The following HYCC1 variants were observed in gnomAD, a reference collection of about 807,000 sequenced individuals.
HYCC1 encodes the protein hyccin PI4KA lipid kinase complex subunit 1.
chr7:22,921,611 A>G, the HYCC1 span, among the ~76,000 whole-genome samples: 3 of 152,202 alleles, frequency 2.0e-5, no homozygotes, highest in Non-Finnish European at 2.9e-5. Flanking sequence ...GTCCCTTGGT[A>G]TACATAGGGG....
At chr7:22,954,333 G>T in the HYCC1 span, among the ~76,000 whole-genome samples, 1 of 150,962 alleles carries the variant, frequency 6.6e-6, no homozygotes, top group Non-Finnish European at 1.5e-5. Flanking sequence ...TTATACAGCA[G>T]AAATTTATTA....
the HYCC1 span, among the ~76,000 whole-genome samples, chr7:22,958,367 G>A: frequency 6.6e-6 from 1 of 152,084 alleles, no homozygotes; most frequent in Non-Finnish European, 1.5e-5. Flanking sequence ...ACAAGGCTAA[G>A]CTGTATTCTG....
At chr7:23,013,358 C>A in the HYCC1 span, among the ~76,000 whole-genome samples, 2 of 152,228 alleles carry the variant, frequency 1.3e-5, no homozygotes, top group East Asian at 1.9e-4. Context: ...AAGACCGACT[C>A]GGGCCAACGC....
the HYCC1 span, among the ~76,000 whole-genome samples, chr7:22,967,612 G>A: frequency 0.019 from 2,822 of 152,276 alleles, 37 homozygotes; most frequent in Non-Finnish European, 0.027. Context: ...ACATCACTCT[G>A]GCTATATTGG....
chr7:22,936,481 T>G, the HYCC1 span: 4 of 152,276 alleles, frequency 2.6e-5, no homozygotes, highest in Non-Finnish European at 2.9e-5. Context: ...AAAGTCATCT[T>G]GACCATCTGA....
the HYCC1 span, chr7:22,976,425 A>C: frequency 1.4e-6 from 1 of 723,684 alleles, no homozygotes; most frequent in Non-Finnish European, 2.4e-6. Context: ...TGCACAGTAT[A>C]AGCACACCAA....
chr7:22,976,475 C>T, the HYCC1 span, among the ~76,000 whole-genome samples: 4 of 152,280 alleles, frequency 2.6e-5, no homozygotes, highest in African/African-American at 9.6e-5. Context: ...TTCCAAGTAA[C>T]AGCCATATGA....
At chr7:22,907,781 G>A in the HYCC1 span, among the ~76,000 whole-genome samples, 1 of 152,090 alleles carries the variant, frequency 6.6e-6, no homozygotes, top group Non-Finnish European at 1.5e-5. Flanking sequence ...GCGTGGTGGC[G>A]CATGCTCATA....
chr7:22,930,134 T>A, the HYCC1 span, among the ~76,000 whole-genome samples: 2 of 137,710 alleles, frequency 1.5e-5, no homozygotes, highest in African/African-American at 5.5e-5. Context: ...TAGGTGGGAA[T>A]TGAACAAAGA....
the HYCC1 span, chr7:22,936,511 C>T: frequency 6.6e-6 from 1 of 152,202 alleles, no homozygotes; most frequent in Non-Finnish European, 1.5e-5. Context: ...ACCTCCTTCA[C>T]CACAGGGCCT....
At chr7:22,988,048 T>C in the HYCC1 span, among the ~76,000 whole-genome samples, 1 of 152,222 alleles carries the variant, frequency 6.6e-6, no homozygotes. Context: ...CACTTTTCTA[T>C]ATTCTATTAC....
At chr7:22,945,873 A>T in the HYCC1 span, 10 of 1,613,678 alleles carry the variant, frequency 6.2e-6, no homozygotes, top group Non-Finnish European at 8.5e-6. Context: ...CTGGTTGTTA[A>T]AGTAAGTCTC....
chr7:22,913,126 G>GAA, the HYCC1 span, among the ~76,000 whole-genome samples: 36,705 of 146,242 alleles, frequency 0.25, 4,665 homozygotes, highest in East Asian at 0.48. Flanking sequence ...CTCCATCTTG[G>GAA]AAAAAAAAAA....
At chr7:22,949,343 C>G in the HYCC1 span, among the ~76,000 whole-genome samples, 5 of 152,000 alleles carry the variant, frequency 3.3e-5, no homozygotes, top group Admixed American at 1.3e-4. Flanking sequence ...GGAAGCTAAC[C>G]AGTAAAATCT....
chr7:22,959,945 A>C, the HYCC1 span, among the ~76,000 whole-genome samples: 3 of 152,340 alleles, frequency 2.0e-5, no homozygotes, highest in East Asian at 3.9e-4. Context: ...AACATTTGCA[A>C]ATACTTTTGA....
At chr7:23,007,703 G>A in the HYCC1 span, among the ~76,000 whole-genome samples, 9 of 152,170 alleles carry the variant, frequency 5.9e-5, no homozygotes, top group African/African-American at 1.9e-4. Flanking sequence ...ATCTCATATA[G>A]CAAATCAAAT....
chr7:22,934,702 C>G, the HYCC1 span: 2 of 152,208 alleles, frequency 1.3e-5, no homozygotes, highest in Non-Finnish European at 2.9e-5. Context: ...GGAAACCTGA[C>G]ACAAGATTCC....
At chr7:22,928,382 G>A in the HYCC1 span, among the ~76,000 whole-genome samples, 5 of 152,196 alleles carry the variant, frequency 3.3e-5, no homozygotes, top group Non-Finnish European at 5.9e-5. Context: ...ATTAGGAAAA[G>A]AGGAAGTCAA....
chr7:22,928,941 C>T, the HYCC1 span, among the ~76,000 whole-genome samples: 576 of 152,078 alleles, frequency 3.8e-3, 3 homozygotes, highest in Non-Finnish European at 4.8e-3. Context: ...CTTCAAACTA[C>T]ACTACAAGGC....
Sources: gnomAD v4.1 joint callset for allele counts (sites outside exome capture counted in the v4.1 genomes callset) on GRCh38, gnomAD v4.1.1 for gene constraint, MANE v1.5 for transcripts, NCBI Gene and HGNC (gene_info 2026-07-23, HGNC 2026-07-21) for gene names.